Variants in KEAP1 observed in about 807,000 individuals in gnomAD.
The protein encoded by KEAP1 is kelch-like ECH-associated protein 1.
KEAP1 carries 26 observed loss-of-function variants against 59.7 expected under a neutral mutation model. That is an observed-to-expected ratio of 0.44 (90% CI 0.32 to 0.60). The LOEUF is 0.60. Ranked by LOEUF, KEAP1 falls within the 20% of genes least tolerant of loss-of-function variation. KEAP1 has a pLI of 0.06. For synonymous variants in KEAP1, 350 were observed against 358.3 expected (o/e 0.98, Z 0.26); for missense variants, 539 against 871.4 (o/e 0.62, Z 4.80).
rs1915068346 is a variant in KEAP1, at chr19:10,502,282, C to T, written c.-48+959G>A. 6.6e-6 allele frequency: 1 copy of T among 152,358 alleles called. No homozygotes were observed. The highest frequency in any genetic ancestry group is 1.5e-5 in the Non-Finnish European group (1 of 68,156). The allele number at this position is 152,358 out of a possible 1,614,324, so 9.4% of individuals were successfully genotyped here. ...TTTGGCCAATCGGTCAACAATGCCC[C>T]TTGGGCACCGGGCACTTCCCCCACC... On this transcript the variant is annotated intron_variant, in intron 1 of 5. Coordinates refer to ENST00000171111, the MANE Select transcript of KEAP1 (RefSeq NM_203500.2). The surrounding 1 kb of genome is among the most constrained non-coding windows in gnomAD (Gnocchi z 4.0).
At chr19:10,493,687 G>C (rs1053814548) in intron 2 of KEAP1, among the ~76,000 whole-genome samples, 2 of 147,456 alleles carry the variant, frequency 1.4e-5, no homozygotes, top group Admixed American at 7.0e-5. Flanking sequence ...TCAGCCTCCC[G>C]AGTAGCTGGG....
Position 10,489,217 on chromosome 19 carries a change from G to A in KEAP1, c.1683C>T (p.Val561=), listed in dbSNP as rs1914583008. ...KHRRSALGIT[V]HQGRIYVLGG... ...CAAGGACGTAGATTCTCCCCTGGTG[G>A]ACAGTGATCCCCAGGGCACTTCGCC... The change falls in exon 5 of 6, where the codon GTC becomes GTT. Residue 561 remains valine (V), a synonymous_variant. Coordinates refer to ENST00000171111, the MANE Select transcript of KEAP1 (RefSeq NM_203500.2). 1 of 1,612,316 alleles carries A rather than the reference G, an allele frequency of 6.2e-7. No homozygotes were observed. The highest frequency in any genetic ancestry group is 8.5e-7 in the Non-Finnish European group (1 of 1,179,956).
rs1195911183 is a variant in KEAP1, at chr19:10,494,327, CT to C, written c.640-2066del. Among the ~76,000 whole-genome samples the C allele has an allele frequency of 9.7e-3, 1,073 of 110,362 alleles. 3 individuals carry two copies. The highest frequency in any genetic ancestry group is 0.034 in the African/African-American group (900 of 26,688). 72.4% of individuals were successfully genotyped at this position (110,362 alleles called of 152,430 possible). A position where few individuals can be genotyped will look rare whatever the true frequency, so the allele number is the denominator to read the frequency against. On this transcript the variant is annotated intron_variant, in intron 2 of 5. Transcript: ENST00000171111. ...GTGTGCATCACCATACCTGGCTTGGCTTTTTTTTTTTTTTTTTTTTTGAGAT... is the reference window on the plus strand; with the variant it reads ...GTGTGCATCACCATACCTGGCTTGGCTTTTTTTTTTTTTTTTTTTTGAGAT...
At chr19:10,493,161 ATTTTTTT>A (rs35058318) in intron 2 of KEAP1, among the ~76,000 whole-genome samples, 3 of 129,030 alleles carry the variant, frequency 2.3e-5, no homozygotes, top group African/African-American at 5.8e-5. Flanking sequence ...AGAGCAGCTA[ATTTTTTT>A]TTTTTTTTTG....
intron 2 of KEAP1, among the ~76,000 whole-genome samples, chr19:10,494,231 C>G (rs1914773866): frequency 6.6e-6 from 1 of 151,734 alleles, no homozygotes; most frequent in Non-Finnish European, 1.5e-5. Flanking sequence ...CATGAGCCAC[C>G]GTGTCCGGCC....
rs1238461828 is a variant in KEAP1 at position 10,491,036 on chromosome 19, T to G, written c.1325+541A>C. 4 of 152,122 alleles carry G rather than the reference T, an allele frequency of 2.6e-5. No individual in the cohort carries two copies. The highest frequency in any genetic ancestry group is 2.0e-4 in the Admixed American group (3 of 15,216). 9.4% of individuals were successfully genotyped at this position (152,122 alleles called of 1,614,324 possible). ...GAGTTCAAGACCAGCCTGGCCAACA[T>G]GGTGAAACCCCATCTCTACAAAAAA... On this transcript the variant is annotated intron_variant, in intron 3 of 5. Transcript: ENST00000171111. This position sits in a 1 kb window ranked among gnomAD's most constrained non-coding sequence, Gnocchi z 5.2.
At chr19:10,495,992 C>T (rs1914833935) in intron 2 of KEAP1, among the ~76,000 whole-genome samples, 1 of 151,668 alleles carries the variant, frequency 6.6e-6, no homozygotes, top group African/African-American at 2.4e-5. Flanking sequence ...TAAGACCAGC[C>T]TGGGCAACAT....
In KEAP1 at chr19:10,489,210, C is replaced by T. The variant is rs1914582464; in HGVS notation, c.1690G>A (p.Gly564Arg). 6.2e-7 allele frequency: 1 copy of T among 1,612,236 alleles called. No individual in the cohort carries two copies. The highest frequency in any genetic ancestry group is 2.2e-5 in the East Asian group (1 of 44,876). The change falls in exon 5 of 6, where the codon GGG becomes AGG. Residue 564 changes from glycine to arginine, a missense_variant. This residue lies in a region of KEAP1 where 311 missense variants were observed against 425.2 expected (regional missense o/e 0.73). Coordinates refer to ENST00000171111, the MANE Select transcript of KEAP1 (RefSeq NM_203500.2). ...RSALGITVHQ[G>R]RIYVLGGYDG... ...GCCTCACCAAGGACGTAGATTCTCC[C>T]CTGGTGGACAGTGATCCCCAGGGCA...
chr19:10,488,104 G>C (rs1914533857), intron 5 of KEAP1, among the ~76,000 whole-genome samples: 1 of 151,876 alleles, frequency 6.6e-6, no homozygotes, highest in African/African-American at 2.4e-5. Context: ...CTCCAGCATG[G>C]GCAACGAAAG....
At position 10,499,358 on chromosome 19, in the gene KEAP1, C is replaced by T. The variant is rs1014774059; in HGVS notation, c.639+37G>A. On this transcript the variant is annotated intron_variant, in intron 2 of 5. Transcript: ENST00000171111. This position sits in a 1 kb window ranked among gnomAD's most constrained non-coding sequence, Gnocchi z 6.7. Reference sequence around the variant, plus strand: ...GAGCACTCGTCCATCCCTGGTCCTTCTCCTGACACTGCCCCCAGCCCCACT... The same window carrying T: ...GAGCACTCGTCCATCCCTGGTCCTTTTCCTGACACTGCCCCCAGCCCCACT... 1.3e-6 allele frequency: 2 copies of T among 1,518,910 alleles called. No individual in the cohort carries two copies. The highest frequency in any genetic ancestry group is 1.8e-6 in the Non-Finnish European group (2 of 1,130,436). The allele number at this position is 1,518,910 out of a possible 1,614,324, so 94.1% of individuals were successfully genotyped here.
rs780370229 is a variant in KEAP1 at position 10,486,673 on chromosome 19, G to A, written c.1854C>T (p.Asp618=). ...TGCCTCAACAGGTACAGTTCTGCTGGTCAATCTGCTTCCGGCAGGGCTCCA... is the reference window on the plus strand; with the variant it reads ...TGCCTCAACAGGTACAGTTCTGCTGATCAATCTGCTTCCGGCAGGGCTCCA... ...VTMEPCRKQI[D]QQNCTC The change falls in exon 6 of 6, where the codon GAC becomes GAT. Residue 618 remains aspartate, a synonymous_variant. Coordinates refer to ENST00000171111, the MANE Select transcript of KEAP1 (RefSeq NM_203500.2). The A allele has an allele frequency of 4.3e-6, 7 of 1,614,072 alleles. No homozygotes were observed. The highest frequency in any genetic ancestry group is 5.9e-6 in the Non-Finnish European group (7 of 1,179,994).
At chr19:10,489,075 C>T in intron 5 of KEAP1, 117 bp downstream of exon 5, 1 of 862,570 alleles carries the variant, frequency 1.2e-6, no homozygotes, top group South Asian at 1.9e-5. Context: ...AGCTGGGCAA[C>T]AGAGCGAGAC....
Position 10,499,268 on chromosome 19 carries a change from T to C in KEAP1, c.639+127A>G. 1 of 881,318 alleles carries C rather than the reference T, an allele frequency of 1.1e-6. No individual in the cohort carries two copies. The highest frequency in any genetic ancestry group is 1.7e-6 in the Non-Finnish European group (1 of 584,156). The allele number at this position is 881,318 out of a possible 1,614,324, so 54.6% of individuals were successfully genotyped here. ...TCAAACTGTGGAGACTACACCACCA[T>C]ACCCAGCCCAGAACCTCCTTTTTCT... On this transcript the variant is annotated intron_variant, in intron 2 of 5. Coordinates refer to ENST00000171111, the MANE Select transcript of KEAP1 (RefSeq NM_203500.2). The surrounding 1 kb of genome is among the most constrained non-coding windows in gnomAD (Gnocchi z 6.7).
chr19:10,494,431 C>T (rs948341167), intron 2 of KEAP1, among the ~76,000 whole-genome samples: 8 of 145,332 alleles, frequency 5.5e-5, no homozygotes, highest in African/African-American at 1.5e-4. Flanking sequence ...CCCGGGTTCA[C>T]GCCATTCTCC....
chr19:10,495,593 G>T (rs971220321), intron 2 of KEAP1, among the ~76,000 whole-genome samples: 1 of 152,046 alleles, frequency 6.6e-6, no homozygotes, highest in African/African-American at 2.4e-5. Context: ...AGTTACTGAG[G>T]AGGCTGAGGC....
rs1331664670 is a variant in KEAP1, at chr19:10,493,592, C to G, written c.640-1330G>C. Among the ~76,000 whole-genome samples the G allele has an allele frequency of 1.2e-4, 14 of 118,288 alleles. No individual in the cohort carries two copies. In the East Asian group the frequency reaches 3.6e-3, roughly 31 times the overall value. The allele number at this position is 118,288 out of a possible 152,430, so 77.6% of individuals were successfully genotyped here. A position where few individuals can be genotyped will look rare whatever the true frequency, so the allele number is the denominator to read the frequency against. On this transcript the variant is annotated intron_variant, in intron 2 of 5. Coordinates refer to ENST00000171111, the MANE Select transcript of KEAP1 (RefSeq NM_203500.2). ...TTTTTTTTTTTTTGAGATGGAGTCT[C>G]GCTCTTTTGCCCAGGCCGGACTGCA...
chr19:10,501,954 CCT>C (rs1472269749), intron 1 of KEAP1, among the ~76,000 whole-genome samples: 5 of 152,178 alleles, frequency 3.3e-5, no homozygotes, highest in Admixed American at 1.3e-4. Flanking sequence ...TCTCCTCTTC[CCT>C]GTTTTATTGT....
Position 10,489,712 on chromosome 19 carries a change from A to G in KEAP1, c.1467T>C (p.Cys489=), listed in dbSNP as rs571479408. Residue 489 remains cysteine (C), a synonymous_variant, in exon 4 of 6, where the codon TGT becomes TGC. Transcript: ENST00000171111. ...DGTNRLNSAE[C]YYPERNEWRM... is the part of the protein sequence containing the mutation. ...GCCACTCGTTCCTCTCTGGGTAGTA[A>G]CACTCAGCTGAATTAAGGCGGTTTG... The G allele has an allele frequency of 6.2e-7, 1 of 1,613,946 alleles. No individual in the cohort carries two copies. The highest frequency in any genetic ancestry group is 1.3e-5 in the African/African-American group (1 of 74,994).
At position 10,486,422 on chromosome 19, in the gene KEAP1, C is replaced by T. The variant is rs1002600294; in HGVS notation, c.*230G>A. ...CTCCTGGAAGCCTGCTCTTTCCACA[C>T]CCCCTTTCCCAGCCAGGCTGTCTTG... On this transcript the variant is annotated 3_prime_UTR_variant, in exon 6 of 6. Transcript: ENST00000171111. 1 of 512,516 alleles carries T rather than the reference C, an allele frequency of 2.0e-6. No individual in the cohort carries two copies. The highest frequency in any genetic ancestry group is 3.5e-6 in the Non-Finnish European group (1 of 287,240). 31.7% of individuals were successfully genotyped at this position (512,516 alleles called of 1,614,324 possible).
Sources: gnomAD v4.1 joint callset for allele counts (sites outside exome capture counted in the v4.1 genomes callset) on GRCh38, gnomAD v4.1.1 for gene constraint, gnomAD v4.1.1 regional missense constraint, Gnocchi (gnomAD v3.1) non-coding constraint, MANE v1.5 for transcripts, NCBI Gene and HGNC (gene_info 2026-07-23, HGNC 2026-07-21) for gene names.